SGIP1: variants seen among roughly 807,000 people sequenced by gnomAD.
SGIP1 encodes the protein SH3-containing GRB2-like protein 3-interacting protein 1.
Under a neutral mutation model 107.5 loss-of-function variants are expected in SGIP1, and 38 were observed. That is an observed-to-expected ratio of 0.35 (90% CI 0.27 to 0.46). SGIP1 has a LOEUF of 0.46. Among genes scored for constraint, SGIP1 ranks in the 20% least tolerant of loss-of-function variants. The pLI, the probability that SGIP1 is intolerant of heterozygous loss-of-function variation, is 1.00. For missense variants in SGIP1, 929 were observed against 1,019.5 expected (o/e 0.91, Z 1.21); for synonymous variants, 365 against 366.1 (o/e 1.00, Z 0.03).
intron 1 of SGIP1, among the ~76,000 whole-genome samples, chr1:66,555,463 G>C (rs761555613): frequency 5.5e-4 from 83 of 152,230 alleles, no homozygotes; most frequent in Non-Finnish European, 5.7e-4. Flanking sequence ...AAAGAGCCCT[G>C]TCCCTCTTGT....
At chr1:66,646,585 GT>G (rs1163807407) in intron 7 of SGIP1, among the ~76,000 whole-genome samples, 1 of 152,044 alleles carries the variant, frequency 6.6e-6, no homozygotes, top group Admixed American at 6.6e-5. Context: ...TCATGAATTG[GT>G]TTTATTATAC....
chr1:66,540,632 T>G (rs1042359143), intron 1 of SGIP1, among the ~76,000 whole-genome samples: 5 of 152,224 alleles, frequency 3.3e-5, no homozygotes, highest in African/African-American at 1.2e-4. Context: ...GTGTGTACAG[T>G]GGCAATGTCA....
At chr1:66,541,280 C>T (rs1431270785) in intron 1 of SGIP1, among the ~76,000 whole-genome samples, 2 of 152,232 alleles carry the variant, frequency 1.3e-5, no homozygotes, top group African/African-American at 2.4e-5. Flanking sequence ...AATGTCTGCC[C>T]ATGTGGGCAT....
chr1:66,588,907 C>T (rs932209637), intron 1 of SGIP1, among the ~76,000 whole-genome samples: 33 of 150,508 alleles, frequency 2.2e-4, no homozygotes, highest in African/African-American at 8.0e-4. Flanking sequence ...CATACTGTCT[C>T]CTTGGTTTGA....
intron 4 of SGIP1, among the ~76,000 whole-genome samples, chr1:66,637,745 C>G (rs1217278897): frequency 1.3e-5 from 2 of 148,980 alleles, no homozygotes; most frequent in African/African-American, 2.5e-5. Flanking sequence ...ATATATATAT[C>G]TGTGTGTGTG....
intron 18 of SGIP1, among the ~76,000 whole-genome samples, chr1:66,702,151 G>A (rs1403843232): frequency 1.3e-5 from 2 of 152,164 alleles, no homozygotes; most frequent in Non-Finnish European, 2.9e-5. Context: ...TAGGAAGTGG[G>A]TACTATTGTT....
chr1:66,692,066 G>A (rs2089974987), intron 17 of SGIP1, among the ~76,000 whole-genome samples: 1 of 151,692 alleles, frequency 6.6e-6, no homozygotes, highest in Admixed American at 6.6e-5. Flanking sequence ...GGCTGAGGCA[G>A]GAGAATCCCT....
chr1:66,618,503 A>G (rs1485106851), intron 1 of SGIP1, among the ~76,000 whole-genome samples: 4 of 152,244 alleles, frequency 2.6e-5, no homozygotes, highest in Admixed American at 6.5e-5. Context: ...AATAATCATC[A>G]TGACCATTCT....
chr1:66,679,279 A>G (rs2086115457), intron 13 of SGIP1, among the ~76,000 whole-genome samples: 1 of 152,198 alleles, frequency 6.6e-6, no homozygotes, highest in South Asian at 2.1e-4. Context: ...CTCGACTGTA[A>G]CTGTCAGCGG....
intron 6 of SGIP1, 115 bp downstream of exon 6, chr1:66,642,979 C>G: frequency 1.2e-6 from 1 of 849,060 alleles, no homozygotes; most frequent in African/African-American, 1.8e-5. Context: ...TCCTGTTATC[C>G]CTAATATTAG....
At chr1:66,602,197 C>A (rs1235874826) in intron 1 of SGIP1, among the ~76,000 whole-genome samples, 1 of 152,142 alleles carries the variant, frequency 6.6e-6, no homozygotes, top group African/African-American at 2.4e-5. Flanking sequence ...AATAATAGAT[C>A]TGAAAGATTC....
At chr1:66,604,899 T>G (rs1186961641) in intron 1 of SGIP1, among the ~76,000 whole-genome samples, 1 of 152,174 alleles carries the variant, frequency 6.6e-6, no homozygotes, top group Non-Finnish European at 1.5e-5. Context: ...AATTCTTTAA[T>G]CCACTATTTT....
intron 17 of SGIP1, chr1:66,690,660 TG>T (rs2150104232): frequency 5.7e-6 from 1 of 175,700 alleles, no homozygotes; most frequent in East Asian, 1.6e-4. Flanking sequence ...TGAGGGGAAA[TG>T]TTTGTTTAAA....
At chr1:66,657,455 T>C (rs1006183268) in intron 7 of SGIP1, among the ~76,000 whole-genome samples, 1 of 152,214 alleles carries the variant, frequency 6.6e-6, no homozygotes, top group African/African-American at 2.4e-5. Context: ...CTATTAGCTT[T>C]GATTCTCAAA....
intron 1 of SGIP1, among the ~76,000 whole-genome samples, chr1:66,563,011 T>A (rs2059169334): frequency 6.6e-6 from 1 of 151,968 alleles, no homozygotes; most frequent in African/African-American, 2.4e-5. Flanking sequence ...CTCTCTTGCA[T>A]GTGGTATTTA....
intron 1 of SGIP1, among the ~76,000 whole-genome samples, chr1:66,606,851 G>T (rs955774321): frequency 4.6e-5 from 7 of 152,214 alleles, no homozygotes; most frequent in African/African-American, 1.7e-4. Flanking sequence ...TCCCAGGAAT[G>T]TTATACACGG....
intron 7 of SGIP1, among the ~76,000 whole-genome samples, chr1:66,659,339 C>A (rs745396645): frequency 1.3e-5 from 2 of 152,080 alleles, no homozygotes; most frequent in Non-Finnish European, 2.9e-5. Context: ...CCATTGACCA[C>A]TCACAGGGAG....
chr1:66,575,864 T>A (rs1298402448), intron 1 of SGIP1, among the ~76,000 whole-genome samples: 3 of 152,174 alleles, frequency 2.0e-5, no homozygotes, highest in Non-Finnish European at 2.9e-5. Flanking sequence ...GAAAGACAAG[T>A]AGAGGCAGCA....
intron 19 of SGIP1, among the ~76,000 whole-genome samples, chr1:66,726,624 A>G (rs1270565926): frequency 1.3e-5 from 2 of 152,210 alleles, no homozygotes; most frequent in African/African-American, 4.8e-5. Flanking sequence ...TTTTCAAGGT[A>G]ATTCGGTGGA....
Sources: allele counts gnomAD v4.1 joint callset (sites outside exome capture counted in the v4.1 genomes callset), GRCh38; gene constraint gnomAD v4.1.1; transcripts MANE v1.5; gene names NCBI Gene and HGNC (gene_info 2026-07-23, HGNC 2026-07-21).